The following LRRC36 variants were observed in gnomAD, a reference collection of about 807,000 sequenced individuals.
The protein encoded by LRRC36 is leucine-rich repeat-containing protein 36.
LRRC36 carries 62 observed loss-of-function variants against 81.1 expected under a neutral mutation model. That is an observed-to-expected ratio of 0.76 (90% CI 0.62 to 0.94). The LOEUF (loss-of-function observed/expected upper bound fraction) is 0.94. Ranked by LOEUF, LRRC36 falls within the 40% of genes least tolerant of loss-of-function variation. The pLI, the probability that LRRC36 is intolerant of heterozygous loss-of-function variation, is 0.00. For missense variants in LRRC36, 761 were observed against 881.7 expected (o/e 0.86, Z 1.73); for synonymous variants, 334 against 348.6 (o/e 0.96, Z 0.47).
chr16:67,327,716 C>T (rs2037261567), intron 1 of LRRC36, among the ~76,000 whole-genome samples: 1 of 152,024 alleles, frequency 6.6e-6, no homozygotes, highest in Non-Finnish European at 1.5e-5. Flanking sequence ...TGAAAGAAAG[C>T]TTAAGACTCA....
intron 5 of LRRC36, among the ~76,000 whole-genome samples, chr16:67,352,642 C>CTTATTTAT (rs140957876): frequency 2.9e-4 from 41 of 142,858 alleles, no homozygotes; most frequent in Non-Finnish European, 4.6e-4. Flanking sequence ...AAATAAATGT[C>CTTATTTAT]TTATTTATTT....
intron 12 of LRRC36, 67 bp downstream of exon 12, chr16:67,378,779 T>C (rs1379628744): frequency 4.4e-5 from 68 of 1,553,354 alleles, no homozygotes; most frequent in Non-Finnish European, 5.9e-5. Context: ...GATGACCCAT[T>C]TAGTAACCTT....
intron 1 of LRRC36, among the ~76,000 whole-genome samples, chr16:67,329,640 G>A (rs925880708): frequency 2.0e-5 from 3 of 152,064 alleles, no homozygotes; most frequent in African/African-American, 4.8e-5. Flanking sequence ...ATCCATGGCC[G>A]GGTGCGTTGG....
intron 5 of LRRC36, among the ~76,000 whole-genome samples, chr16:67,358,159 G>A (rs2038982244): frequency 6.9e-6 from 1 of 144,630 alleles, no homozygotes; most frequent in Non-Finnish European, 1.5e-5. Context: ...GGCAGAGCAA[G>A]GCATCAGTTT....
rs1275589391 is a variant in LRRC36, at chr16:67,385,097, A to G, written c.*8A>G. ...CCAGAGCCTGGCTTATAGAGCTAGC[A>G]TGGAACTCACACCACAGCTTCCCTG... On this transcript the variant is annotated 3_prime_UTR_variant, in exon 14 of 14. Coordinates refer to ENST00000329956, the MANE Select transcript of LRRC36 (RefSeq NM_018296.6). 1.9e-6 allele frequency: 3 copies of G among 1,607,962 alleles called. No individual in the cohort carries two copies. Among genetic ancestry groups the G allele is most frequent in the Non-Finnish European group, 2.6e-6 (3 of 1,175,252 alleles).
chr16:67,367,549 G>C, intron 8 of LRRC36, 92 bp downstream of exon 8: 1 of 1,124,254 alleles, frequency 8.9e-7, no homozygotes, highest in Non-Finnish European at 1.3e-6. Flanking sequence ...TTCTGAAATT[G>C]TATTAGCATT....
chr16:67,351,978 A>C (rs1015794240), intron 5 of LRRC36, among the ~76,000 whole-genome samples: 1 of 152,142 alleles, frequency 6.6e-6, no homozygotes, highest in Non-Finnish European at 1.5e-5. Flanking sequence ...TTTTCTAGGT[A>C]CAGGCATTTA....
intron 2 of LRRC36, among the ~76,000 whole-genome samples, chr16:67,342,672 ATGAG>A (rs1304108204): frequency 6.6e-6 from 1 of 152,208 alleles, no homozygotes; most frequent in Non-Finnish European, 1.5e-5. Flanking sequence ...CTCTACAAAC[ATGAG>A]TGTGCACACA....
At chr16:67,368,495 C>CA (rs1159664632) in intron 8 of LRRC36, among the ~76,000 whole-genome samples, 3 of 152,120 alleles carry the variant, frequency 2.0e-5, no homozygotes, top group African/African-American at 7.2e-5. Context: ...GGAATAAATG[C>CA]AAAAGTCCTG....
chr16:67,347,962 G>A (rs2142024778), intron 4 of LRRC36, among the ~76,000 whole-genome samples: 1 of 152,170 alleles, frequency 6.6e-6, no homozygotes, highest in South Asian at 2.1e-4. Flanking sequence ...ACATTACCAT[G>A]GGCAAGATTG....
chr16:67,355,278 A>G (rs561941024), intron 5 of LRRC36, among the ~76,000 whole-genome samples: 1 of 152,246 alleles, frequency 6.6e-6, no homozygotes, highest in African/African-American at 2.4e-5. Context: ...TACTTACCAA[A>G]GAACATGATT....
chr16:67,332,923 A>G (rs1036707670), intron 1 of LRRC36, among the ~76,000 whole-genome samples: 8 of 151,292 alleles, frequency 5.3e-5, no homozygotes, highest in Admixed American at 1.3e-4. Context: ...ACATGGTCTT[A>G]TTCTGTTGCC....
chr16:67,329,266 A>G (rs924826538), intron 1 of LRRC36, among the ~76,000 whole-genome samples: 10 of 152,110 alleles, frequency 6.6e-5, no homozygotes, highest in Admixed American at 6.5e-4. Context: ...TGCAACCTAA[A>G]AAATTTAACA....
intron 5 of LRRC36, among the ~76,000 whole-genome samples, chr16:67,356,961 A>C (rs918924481): frequency 6.6e-6 from 1 of 152,174 alleles, no homozygotes; most frequent in Non-Finnish European, 1.5e-5. Context: ...TATTCTCTTG[A>C]AAATAGGTAA....
chr16:67,337,370 CT>C (rs200896654), intron 1 of LRRC36, among the ~76,000 whole-genome samples: 106 of 139,364 alleles, frequency 7.6e-4, no homozygotes, highest in Middle Eastern at 7.5e-3. Context: ...TCTTTTCTTT[CT>C]TTTTTTTTTT....
At chr16:67,350,568 G>A (rs1393234428) in intron 5 of LRRC36, among the ~76,000 whole-genome samples, 1 of 152,152 alleles carries the variant, frequency 6.6e-6, no homozygotes, top group Admixed American at 6.5e-5. Context: ...TTACATCAGT[G>A]ATTGATTTAA....
At chr16:67,342,507 T>C (rs1422230501) in intron 2 of LRRC36, among the ~76,000 whole-genome samples, 2 of 152,120 alleles carry the variant, frequency 1.3e-5, no homozygotes, top group Non-Finnish European at 2.9e-5. Context: ...AACACTGGCC[T>C]GTGTTGTTAT....
At chr16:67,331,453 A>G (rs1305818675) in intron 1 of LRRC36, among the ~76,000 whole-genome samples, 1 of 152,174 alleles carries the variant, frequency 6.6e-6, no homozygotes, top group African/African-American at 2.4e-5. Context: ...TGACCCCAGG[A>G]GTTTTAGGCT....
intron 5 of LRRC36, among the ~76,000 whole-genome samples, chr16:67,354,167 C>A (rs1469851065): frequency 4.6e-5 from 7 of 152,090 alleles, no homozygotes; most frequent in Admixed American, 3.3e-4. Context: ...AATAGTCCTT[C>A]CTTTCTCCCT....
Sources: gnomAD v4.1 joint callset for allele counts (sites outside exome capture counted in the v4.1 genomes callset) on GRCh38, gnomAD v4.1.1 for gene constraint, MANE v1.5 for transcripts, NCBI Gene and HGNC (gene_info 2026-07-23, HGNC 2026-07-21) for gene names.